The following CADM1 variants were observed in gnomAD, a reference collection of about 807,000 sequenced individuals.
CADM1 encodes TSLC-1.
Under a neutral mutation model 53.1 loss-of-function variants are expected in CADM1, and 15 were observed. That is an observed-to-expected ratio of 0.28 (90% confidence interval 0.19 to 0.44). The LOEUF (loss-of-function observed/expected upper bound fraction) is 0.44. Among genes scored for constraint, CADM1 ranks in the 20% least tolerant of loss-of-function variants. The pLI is 1.00. For missense variants in CADM1, 434 were observed against 611.3 expected, an observed-to-expected ratio of 0.71 and a Z score of 3.06; for synonymous variants, 281 against 243.0, an observed-to-expected ratio of 1.16 and a Z score of -1.45.
Position 115,504,348 on chromosome 11 carries a change from G to A in CADM1, c.47C>T (p.Ala16Val). 6.5e-7 allele frequency: 1 copy of A among 1,548,782 alleles called. No homozygotes were observed. The highest frequency in any genetic ancestry group is 8.7e-7 in the Non-Finnish European group (1 of 1,146,368). The change falls in exon 1 of 12, where the codon GCG becomes GTG. Residue 16 changes from alanine (A) to valine (V), a missense_variant. Physicochemically the swap from Ala to Val is moderately conservative, Grantham distance 64. Coordinates refer to ENST00000331581, the MANE Select transcript of CADM1 (RefSeq NM_001301043.2). ...LPSGSQCAAA[A>V]AAAAPPGLRL... The stretch of plus-strand genomic sequence containing the variant: ...GAGCCCGGGAGGCGCCGCCGCCGCC[G>A]CTGCCGCCGCACACTGGGATCCGCT...
intron 1 of CADM1, among the ~76,000 whole-genome samples, chr11:115,404,823 C>T (rs867926994): frequency 1.6e-4 from 14 of 87,986 alleles, no homozygotes; most frequent in South Asian, 7.5e-4. Flanking sequence ...GCCTGGGCAA[C>T]AGAACAAGAC....
intron 1 of CADM1, among the ~76,000 whole-genome samples, chr11:115,332,406 AT>A: frequency 6.6e-6 from 1 of 152,204 alleles, no homozygotes; most frequent in Non-Finnish European, 1.5e-5. Flanking sequence ...GATGAAGGTC[AT>A]TTTAGTTGAG....
intron 1 of CADM1, among the ~76,000 whole-genome samples, chr11:115,418,295 G>C (rs1167890090): frequency 6.6e-6 from 1 of 152,070 alleles, no homozygotes; most frequent in Non-Finnish European, 1.5e-5. Context: ...ACACGCAAGT[G>C]GTTAAGATTA....
At chr11:115,289,447 C>T (rs565347969) in intron 1 of CADM1, among the ~76,000 whole-genome samples, 50 of 152,034 alleles carry the variant, frequency 3.3e-4, no homozygotes, top group South Asian at 1.5e-3. Flanking sequence ...GAATGGTGGA[C>T]GATCTACACT....
chr11:115,285,461 G>C (rs529016289), intron 1 of CADM1, among the ~76,000 whole-genome samples: 2 of 152,286 alleles, frequency 1.3e-5, no homozygotes, highest in South Asian at 4.2e-4. Flanking sequence ...ACAGAGAGTT[G>C]AATAACTTGT....
At chr11:115,235,198 T>TC (rs1941970141) in intron 3 of CADM1, among the ~76,000 whole-genome samples, 1 of 151,758 alleles carries the variant, frequency 6.6e-6, no homozygotes, top group African/African-American at 2.4e-5. Flanking sequence ...AAGAAAGCTT[T>TC]CAAAAATATA....
intron 1 of CADM1, among the ~76,000 whole-genome samples, chr11:115,435,063 G>A (rs1948152392): frequency 6.6e-6 from 1 of 151,728 alleles, no homozygotes; most frequent in Non-Finnish European, 1.5e-5. Flanking sequence ...GTTTCTCCAT[G>A]TTGGCCAAGC....
chr11:115,193,561 GC>G (rs1939998198), intron 9 of CADM1, among the ~76,000 whole-genome samples: 1 of 152,102 alleles, frequency 6.6e-6, no homozygotes, highest in Non-Finnish European at 1.5e-5. Context: ...GTAATTGCTG[GC>G]TTCTAAAAGT....
chr11:115,212,021 T>C (rs1940988684), intron 7 of CADM1, among the ~76,000 whole-genome samples: 1 of 152,192 alleles, frequency 6.6e-6, no homozygotes, highest in Non-Finnish European at 1.5e-5. Flanking sequence ...GTCCTTCACA[T>C]CTGGCTAAAG....
At position 115,322,619 on chromosome 11, in the gene CADM1, T is replaced by C. The variant is rs763213786; in HGVS notation, c.125-82199A>G. ...ACCACTAATCTACTTTTTGTCTCTA[T>C]AGCTTTTGACTTTTCTGGAGATTTC... is the stretch of plus-strand genomic sequence containing the variant. On this transcript the variant is annotated intron_variant, in intron 1 of 11. Coordinates refer to ENST00000331581, the MANE Select transcript of CADM1 (RefSeq NM_001301043.2). 1.8e-4 allele frequency among the ~76,000 whole-genome samples: 28 copies of C among 152,292 alleles called. 1 individual carries two copies. The Middle Eastern group carries it at 0.017, about 93-fold the overall frequency.
chr11:115,472,115 A>C (rs1486722124), intron 1 of CADM1, among the ~76,000 whole-genome samples: 1 of 152,212 alleles, frequency 6.6e-6, no homozygotes, highest in East Asian at 1.9e-4. Context: ...CCAAAGAGCA[A>C]GTCTATCTTC....
chr11:115,494,504 T>G (rs111228759), intron 1 of CADM1, among the ~76,000 whole-genome samples: 1 of 152,140 alleles, frequency 6.6e-6, no homozygotes, highest in Non-Finnish European at 1.5e-5. Flanking sequence ...ATTATAATCA[T>G]TGTCAGTTTC....
intron 1 of CADM1, among the ~76,000 whole-genome samples, chr11:115,340,655 TATA>T (rs1244650166): frequency 6.7e-4 from 25 of 37,480 alleles, no homozygotes; most frequent in East Asian, 1.7e-3. Flanking sequence ...TATATATATA[TATA>T]TTTTTTTTTT....
intron 1 of CADM1, among the ~76,000 whole-genome samples, chr11:115,406,950 TAAA>T (rs200226896): frequency 1.5e-5 from 2 of 135,788 alleles, no homozygotes; most frequent in Admixed American, 7.5e-5. Context: ...AACTCTGTCT[TAAA>T]AAAAAAAAAA....
At chr11:115,395,825 A>G (rs965559663) in intron 1 of CADM1, among the ~76,000 whole-genome samples, 1 of 152,166 alleles carries the variant, frequency 6.6e-6, no homozygotes, top group Non-Finnish European at 1.5e-5. Flanking sequence ...CTAATTTCCT[A>G]ATTTTACATA....
At chr11:115,387,364 G>A (rs1025839053) in intron 1 of CADM1, among the ~76,000 whole-genome samples, 6 of 152,004 alleles carry the variant, frequency 3.9e-5, no homozygotes, top group Admixed American at 3.9e-4. Context: ...ACAAAGATGG[G>A]AAAGATAAAA....
chr11:115,321,693 G>C (rs925299885), intron 1 of CADM1, among the ~76,000 whole-genome samples: 3 of 152,100 alleles, frequency 2.0e-5, no homozygotes, highest in African/African-American at 4.8e-5. Flanking sequence ...TGGAGTTCAG[G>C]TCCTTTTCTA....
chr11:115,418,160 C>T (rs1947655891), intron 1 of CADM1, among the ~76,000 whole-genome samples: 1 of 152,146 alleles, frequency 6.6e-6, no homozygotes, highest in Non-Finnish European at 1.5e-5. Flanking sequence ...AGAACATTTG[C>T]CTTGCCCATC....
intron 4 of CADM1, among the ~76,000 whole-genome samples, chr11:115,230,862 T>C (rs73574126): frequency 0.011 from 1,634 of 152,308 alleles, 27 homozygotes; most frequent in African/African-American, 0.035. Context: ...AAGCATATAG[T>C]CAACACAGGT....
Sources: allele counts gnomAD v4.1 joint callset (sites outside exome capture counted in the v4.1 genomes callset), GRCh38; gene constraint gnomAD v4.1.1; transcripts MANE v1.5; gene names NCBI Gene and HGNC (gene_info 2026-07-23, HGNC 2026-07-21).